Variants in AGBL4 observed in about 807,000 individuals in gnomAD.
AGBL4 encodes AGBL carboxypeptidase 4.
A neutral mutation model predicts 66.4 loss-of-function variants in AGBL4; 58 were observed. The observed-to-expected ratio is 0.87, with a 90% confidence interval of 0.71 to 1.09. The LOEUF (loss-of-function observed/expected upper bound fraction) is 1.09, where lower values mean the gene tolerates loss of function less well. Among genes scored for constraint, AGBL4 ranks in the 50% least tolerant of loss-of-function variants. AGBL4 has a pLI of 0.00. For missense variants in AGBL4, 579 were observed against 631.0 expected (o/e 0.92, Z 0.88); for synonymous variants, 234 against 222.9 (o/e 1.05, Z -0.44).
At chr1:49,428,537 T>C (rs891435002) in intron 3 of AGBL4, among the ~76,000 whole-genome samples, 1 of 152,226 alleles carries the variant, frequency 6.6e-6, no homozygotes, top group Admixed American at 6.5e-5. Context: ...TGACTAGAAC[T>C]GAAGTGGCTC....
intron 3 of AGBL4, among the ~76,000 whole-genome samples, chr1:49,291,411 T>G (rs557298305): frequency 6.6e-6 from 1 of 152,236 alleles, no homozygotes; most frequent in African/African-American, 2.4e-5. Context: ...GAGCATAGAC[T>G]AAAAAATCCT....
At chr1:49,626,948 G>C (rs984425853) in intron 3 of AGBL4, among the ~76,000 whole-genome samples, 1 of 152,226 alleles carries the variant, frequency 6.6e-6, no homozygotes, top group Admixed American at 6.5e-5. Context: ...TTCTAAGATA[G>C]ATTTACTAAA....
chr1:49,366,344 T>C (rs1644241042), intron 3 of AGBL4, among the ~76,000 whole-genome samples: 1 of 152,184 alleles, frequency 6.6e-6, no homozygotes, highest in African/African-American at 2.4e-5. Flanking sequence ...TATCCGCTAT[T>C]GTACCTGGCA....
intron 2 of AGBL4, chr1:49,846,105 A>C: frequency 6.6e-7 from 1 of 1,521,972 alleles, no homozygotes; most frequent in Non-Finnish European, 9.1e-7. Flanking sequence ...CAGTGTAGCC[A>C]GAGCTCCCTT....
chr1:49,910,747 G>A (rs1326098915), intron 1 of AGBL4, among the ~76,000 whole-genome samples: 5 of 152,114 alleles, frequency 3.3e-5, no homozygotes, highest in African/African-American at 9.7e-5. Context: ...AGGCCGAGGC[G>A]GGCAGATTGC....
intron 7 of AGBL4, among the ~76,000 whole-genome samples, chr1:48,654,861 C>T (rs1262641465): frequency 1.3e-5 from 2 of 152,238 alleles, no homozygotes. Flanking sequence ...ACCAGATGCC[C>T]TAATTTATTT....
At chr1:49,772,327 A>G (rs1644084888) in intron 2 of AGBL4, among the ~76,000 whole-genome samples, 1 of 152,096 alleles carries the variant, frequency 6.6e-6, no homozygotes, top group African/African-American at 2.4e-5. Flanking sequence ...TTCCTTAAGC[A>G]CTAACTGTAG....
intron 2 of AGBL4, among the ~76,000 whole-genome samples, chr1:49,702,481 C>T (rs1290470675): frequency 6.6e-6 from 1 of 151,996 alleles, no homozygotes; most frequent in Non-Finnish European, 1.5e-5. Context: ...TAGAGCGAGG[C>T]TCCGTCCCAA....
intron 8 of AGBL4, among the ~76,000 whole-genome samples, chr1:48,640,932 C>T (rs1379304745): frequency 6.6e-6 from 1 of 152,152 alleles, no homozygotes; most frequent in Non-Finnish European, 1.5e-5. Flanking sequence ...TTCAATTCCC[C>T]TCCTTATGAT....
At chr1:49,927,419 C>T (rs1375878469) in intron 1 of AGBL4, among the ~76,000 whole-genome samples, 1 of 152,042 alleles carries the variant, frequency 6.6e-6, no homozygotes, top group Non-Finnish European at 1.5e-5. Context: ...GAAGCAGGCA[C>T]CTCCTTCACA....
In AGBL4 at chr1:49,391,710, G is replaced by C. The variant is rs369181153; in HGVS notation, c.283-145846C>G. Among the ~76,000 whole-genome samples the C allele has an allele frequency of 2.8e-4, 42 of 151,764 alleles. 1 individual carries two copies. Among genetic ancestry groups the C allele is most frequent in the South Asian group, 4.2e-4 (2 of 4,806 alleles). Reference sequence around the variant, plus strand: ...CCAAGTAGCTGGGACTACAGGCACCGGCCACCACACCCGGCTAATTTTTTG... The same window carrying C: ...CCAAGTAGCTGGGACTACAGGCACCCGCCACCACACCCGGCTAATTTTTTG... On this transcript the variant is annotated intron_variant, in intron 3 of 13. Transcript: ENST00000371839.
At chr1:49,475,113 T>G (rs1419816131) in intron 3 of AGBL4, among the ~76,000 whole-genome samples, 2 of 152,014 alleles carry the variant, frequency 1.3e-5, no homozygotes, top group African/African-American at 4.8e-5. Flanking sequence ...TATGTTCCTT[T>G]GATGCCTAGT....
chr1:49,008,446 C>T (rs1297528454), intron 5 of AGBL4, among the ~76,000 whole-genome samples: 2 of 149,778 alleles, frequency 1.3e-5, no homozygotes, highest in African/African-American at 4.9e-5. Flanking sequence ...TAACACCCCA[C>T]TGTCAACATT....
intron 6 of AGBL4, among the ~76,000 whole-genome samples, chr1:48,750,098 C>T (rs761582356): frequency 1.3e-5 from 2 of 152,178 alleles, no homozygotes; most frequent in African/African-American, 2.4e-5. Context: ...TGCTGATACT[C>T]CCTTCAGGCC....
At chr1:49,411,607 T>C (rs1645316333) in intron 3 of AGBL4, among the ~76,000 whole-genome samples, 1 of 152,170 alleles carries the variant, frequency 6.6e-6, no homozygotes, top group Non-Finnish European at 1.5e-5. Flanking sequence ...TCTCAAGTAG[T>C]TGAAGTTCTA....
chr1:49,613,449 G>A (rs923612900), intron 3 of AGBL4, among the ~76,000 whole-genome samples: 1 of 152,190 alleles, frequency 6.6e-6, no homozygotes, highest in African/African-American at 2.4e-5. Flanking sequence ...CACAGCAGGA[G>A]GTGAGCGGCA....
intron 6 of AGBL4, among the ~76,000 whole-genome samples, chr1:48,812,198 T>C (rs560429911): frequency 1.3e-5 from 2 of 152,300 alleles, no homozygotes; most frequent in African/African-American, 2.4e-5. Context: ...GGCATATTTC[T>C]CAAGGCTGAA....
rs961711706 is a variant in AGBL4, at chr1:48,956,879, G to C, written c.594+88705C>G. ...GCAGGACACACACCATGTTTTGCTT[G>C]GGTTTGATGCTTTATAGAGGAAGTA... On this transcript the variant is annotated intron_variant, in intron 5 of 13. Transcript: ENST00000371839. Among the ~76,000 whole-genome samples, 12 of 152,132 alleles carry C rather than the reference G, an allele frequency of 7.9e-5. No individual in the cohort carries two copies. In the East Asian group the frequency reaches 2.3e-3, roughly 29 times the overall value.
chr1:49,728,505 C>T (rs1216767568), intron 2 of AGBL4, among the ~76,000 whole-genome samples: 2 of 152,184 alleles, frequency 1.3e-5, no homozygotes, highest in Non-Finnish European at 2.9e-5. Context: ...AGAGGAAGTG[C>T]ACTTGAGTGT....
Sources: gnomAD v4.1 joint callset for allele counts (sites outside exome capture counted in the v4.1 genomes callset) on GRCh38, gnomAD v4.1.1 for gene constraint, MANE v1.5 for transcripts, NCBI Gene and HGNC (gene_info 2026-07-23, HGNC 2026-07-21) for gene names.